Variants in CEP63 observed in about 807,000 individuals in gnomAD.
The protein encoded by CEP63 is centrosomal protein 63, also known as centrosomal protein of 63 kDa.
In CEP63, 84 loss-of-function variants were observed where a neutral mutation model predicts 89.1. The ratio of observed to expected loss-of-function variants is 0.94; its 90% CI spans 0.79 to 1.13. CEP63 has a LOEUF of 1.13. Among genes scored for constraint, CEP63 ranks in the 50% most tolerant of loss-of-function variants. The probability of loss-of-function intolerance (pLI) is 0.00; values close to 1 mark genes in which losing one functional copy is unlikely to be tolerated. For missense variants in CEP63, 838 were observed against 813.3 expected (o/e 1.03, Z -0.37); for synonymous variants, 267 against 272.5 (o/e 0.98, Z 0.20).
intron 3 of CEP63, among the ~76,000 whole-genome samples, chr3:134,517,834 T>A (rs1160376452): frequency 2.6e-5 from 4 of 152,112 alleles, no homozygotes; most frequent in Non-Finnish European, 5.9e-5. Flanking sequence ...CATAAGAGCA[T>A]ATATTAGAAA....
intron 12 of CEP63, among the ~76,000 whole-genome samples, chr3:134,557,233 G>A (rs1249641854): frequency 6.6e-6 from 1 of 151,794 alleles, no homozygotes; most frequent in Non-Finnish European, 1.5e-5. Flanking sequence ...ATTTTATCTG[G>A]CATTGACAAC....
the CEP63 span, among the ~76,000 whole-genome samples, chr3:134,751,179 G>A: frequency 6.6e-6 from 1 of 152,120 alleles, no homozygotes; most frequent in South Asian, 2.1e-4. Flanking sequence ...CTTTCACTTA[G>A]TATAATTATT....
downstream of CEP63, among the ~76,000 whole-genome samples, chr3:134,577,762 C>A (rs1577510080): frequency 6.6e-6 from 1 of 152,046 alleles, no homozygotes; most frequent in Admixed American, 6.6e-5. Flanking sequence ...CTAATGCTCT[C>A]CCTCATCTTT....
chr3:134,701,619 C>T, the CEP63 span, among the ~76,000 whole-genome samples: 1 of 151,812 alleles, frequency 6.6e-6, no homozygotes, highest in African/African-American at 2.4e-5. Context: ...TGGCCAGTAT[C>T]ATACTGAATG....
the CEP63 span, among the ~76,000 whole-genome samples, chr3:134,686,869 A>G: frequency 1.3e-5 from 2 of 152,200 alleles, no homozygotes; most frequent in African/African-American, 2.4e-5. Flanking sequence ...CTGACTGCAC[A>G]CAGCATGTAC....
chr3:134,725,850 G>A, the CEP63 span, among the ~76,000 whole-genome samples: 4 of 152,162 alleles, frequency 2.6e-5, no homozygotes, highest in South Asian at 8.3e-4. Context: ...GCCAAGATGT[G>A]CTCACAGGCC....
At chr3:134,489,354 T>G (rs1212410369) in intron 1 of CEP63, among the ~76,000 whole-genome samples, 1 of 152,156 alleles carries the variant, frequency 6.6e-6, no homozygotes, top group Non-Finnish European at 1.5e-5. Context: ...TGTTTTTGTT[T>G]TGTTTTTTGG....
chr3:134,523,035 T>C (rs1229625062), intron 3 of CEP63, among the ~76,000 whole-genome samples: 2 of 152,150 alleles, frequency 1.3e-5, no homozygotes, highest in Non-Finnish European at 2.9e-5. Flanking sequence ...ATAAGCGTTC[T>C]CTTTTCTCTG....
the CEP63 span, among the ~76,000 whole-genome samples, chr3:134,683,766 G>C: frequency 6.6e-6 from 1 of 151,936 alleles, no homozygotes; most frequent in African/African-American, 2.4e-5. Context: ...AATGGCCCTA[G>C]CTGCTCTGAG....
chr3:134,574,797 G>C (rs770619116), exon 12 of CEP63: 2 of 598,536 alleles, frequency 3.3e-6, no homozygotes, highest in Admixed American at 2.5e-5. Flanking sequence ...TTGTAGAGAT[G>C]GGGTTTTACC....
the CEP63 span, among the ~76,000 whole-genome samples, chr3:134,765,532 C>G: frequency 0.01 from 1,559 of 152,200 alleles, 33 homozygotes; most frequent in African/African-American, 0.036. Flanking sequence ...TGCCTCTATG[C>G]TAGATATTGA....
At chr3:134,734,432 T>C in the CEP63 span, among the ~76,000 whole-genome samples, 1 of 152,290 alleles carries the variant, frequency 6.6e-6, no homozygotes, top group East Asian at 1.9e-4. Flanking sequence ...AAATTAAACG[T>C]TGTTCTTTGG....
the CEP63 span, among the ~76,000 whole-genome samples, chr3:134,668,921 G>A: frequency 6.6e-6 from 1 of 152,138 alleles, no homozygotes; most frequent in Non-Finnish European, 1.5e-5. Flanking sequence ...TTATATTTCA[G>A]AGACCCTCAA....
the CEP63 span, among the ~76,000 whole-genome samples, chr3:134,657,803 A>C: frequency 4.6e-5 from 7 of 152,180 alleles, no homozygotes; most frequent in African/African-American, 7.2e-5. Flanking sequence ...GTGTATGTCA[A>C]CCTCTCCATA....
At chr3:134,537,081 G>A (rs570645734) in intron 5 of CEP63, 74 bp from the exon 6 acceptor site, 1 of 937,884 alleles carries the variant, frequency 1.1e-6, no homozygotes, top group Admixed American at 1.7e-5. Context: ...AGAAATTAAA[G>A]TTAAAGGGAG....
At chr3:134,584,815 T>C (rs899061784) in intron 10 of CEP63, among the ~76,000 whole-genome samples, 6 of 152,176 alleles carry the variant, frequency 3.9e-5, no homozygotes, top group Non-Finnish European at 7.4e-5. Flanking sequence ...TCCTGGACTT[T>C]TTTTGGTTGG....
chr3:134,514,635 A>G (rs559599127), intron 3 of CEP63, among the ~76,000 whole-genome samples: 113 of 152,370 alleles, frequency 7.4e-4, no homozygotes, highest in Admixed American at 1.5e-3. Context: ...AAACAATAAA[A>G]TGTCTACAAA....
At chr3:134,657,160 T>C in the CEP63 span, among the ~76,000 whole-genome samples, 3 of 152,162 alleles carry the variant, frequency 2.0e-5, no homozygotes, top group Admixed American at 2.0e-4. Context: ...CAAAAGACTC[T>C]TACATGGCGG....
At chr3:134,687,831 G>A in the CEP63 span, among the ~76,000 whole-genome samples, 1 of 152,202 alleles carries the variant, frequency 6.6e-6, no homozygotes, top group South Asian at 2.1e-4. Flanking sequence ...GTCAGCCACA[G>A]CTGTGGACTG....
Sources: allele counts gnomAD v4.1 joint callset (sites outside exome capture counted in the v4.1 genomes callset), GRCh38; gene constraint gnomAD v4.1.1; transcripts MANE v1.5; gene names NCBI Gene and HGNC (gene_info 2026-07-23, HGNC 2026-07-21).